The following VEPH1 variants were observed in gnomAD, a reference collection of about 807,000 sequenced individuals.
The protein encoded by VEPH1 is ventricular zone expressed PH domain containing 1.
In VEPH1, 80 loss-of-function variants were observed where a neutral mutation model predicts 85.2. That is an observed-to-expected ratio of 0.94 (90% CI 0.78 to 1.13). The LOEUF (loss-of-function observed/expected upper bound fraction) is 1.13. Ranked by LOEUF, VEPH1 falls within the 50% of genes most tolerant of loss-of-function variation. The pLI, the probability that VEPH1 is intolerant of heterozygous loss-of-function variation, is 0.00. For missense variants in VEPH1, 955 were observed against 980.5 expected, an observed-to-expected ratio of 0.97 and a Z score of 0.35; for synonymous variants, 297 against 348.0, an observed-to-expected ratio of 0.85 and a Z score of 1.63.
Position 157,364,529 on chromosome 3 carries a change from C to T in VEPH1, c.1128-17G>A. 1 of 1,607,794 alleles carries T rather than the reference C, an allele frequency of 6.2e-7. No individual in the cohort carries two copies. The highest frequency in any genetic ancestry group is 2.2e-5 in the East Asian group (1 of 44,780). ...ATTTTTCTCCTAAAGGAATATAAAT[C>T]ATTGCATTAGATGCAGGTCATATAT... On this transcript the variant is annotated splice_polypyrimidine_tract_variant and intron_variant, in intron 7 of 13. Transcript: ENST00000362010.
chr3:157,482,991 A>G (rs1738263698), intron 2 of VEPH1, among the ~76,000 whole-genome samples: 1 of 152,124 alleles, frequency 6.6e-6, no homozygotes, highest in Non-Finnish European at 1.5e-5. Flanking sequence ...ATTTTTATAC[A>G]TTTATTCCAC....
intron 13 of VEPH1, among the ~76,000 whole-genome samples, chr3:157,263,895 CT>C (rs891838534): frequency 6.6e-6 from 1 of 152,296 alleles, no homozygotes; most frequent in South Asian, 2.1e-4. Flanking sequence ...TAATTTACCA[CT>C]TTTCATTAAT....
chr3:157,483,241 G>A (rs1738301234), intron 2 of VEPH1, among the ~76,000 whole-genome samples: 1 of 151,928 alleles, frequency 6.6e-6, no homozygotes, highest in Non-Finnish European at 1.5e-5. Flanking sequence ...AACAACAAGT[G>A]AGCTCAGAAC....
At chr3:157,478,092 C>G (rs936597605) in intron 2 of VEPH1, among the ~76,000 whole-genome samples, 3 of 152,066 alleles carry the variant, frequency 2.0e-5, no homozygotes, top group Admixed American at 6.6e-5. Context: ...CCAAGTCTGC[C>G]TATAGAAATT....
intron 11 of VEPH1, among the ~76,000 whole-genome samples, chr3:157,290,035 AACACACACACACACACACACACAC>A (rs34035101): frequency 2.1e-5 from 3 of 144,312 alleles, no homozygotes; most frequent in Admixed American, 1.4e-4. Flanking sequence ...ATTATACACA[AACACACACACACACACACACACAC>A]ACACACACAC....
At chr3:157,439,825 A>G (rs554819641) in intron 4 of VEPH1, among the ~76,000 whole-genome samples, 7 of 152,122 alleles carry the variant, frequency 4.6e-5, no homozygotes, top group Non-Finnish European at 8.8e-5. Context: ...ATCTCGGCTC[A>G]CTGCAAGCTC....
At chr3:157,386,098 A>T (rs1421590581) in intron 6 of VEPH1, among the ~76,000 whole-genome samples, 1 of 152,116 alleles carries the variant, frequency 6.6e-6, no homozygotes, top group East Asian at 1.9e-4. Context: ...GCAAGCTCAA[A>T]TTGTATCACT....
chr3:157,442,952 A>G (rs1334053836), intron 4 of VEPH1: 1 of 1,612,264 alleles, frequency 6.2e-7, no homozygotes, highest in Non-Finnish European at 8.5e-7. Flanking sequence ...AGATCCAGCC[A>G]CATGGAGGAG....
chr3:157,303,299 C>T (rs1719048029), intron 11 of VEPH1, among the ~76,000 whole-genome samples: 1 of 152,184 alleles, frequency 6.6e-6, no homozygotes, highest in African/African-American at 2.4e-5. Flanking sequence ...TTTACAGTAT[C>T]TATCAGTGTG....
intron 12 of VEPH1, among the ~76,000 whole-genome samples, chr3:157,277,313 A>G (rs751889869): frequency 3.7e-4 from 56 of 152,346 alleles, no homozygotes; most frequent in Middle Eastern, 3.4e-3. Flanking sequence ...GGATCTGGCC[A>G]TAGGACTTTA....
At chr3:157,289,780 T>C (rs1329180297) in intron 11 of VEPH1, among the ~76,000 whole-genome samples, 9 of 152,198 alleles carry the variant, frequency 5.9e-5, no homozygotes, top group East Asian at 1.9e-4. Context: ...TTACAAACTT[T>C]CTTTAAGATA....
intron 2 of VEPH1, among the ~76,000 whole-genome samples, chr3:157,488,423 G>A (rs958437122): frequency 2.6e-5 from 4 of 151,654 alleles, no homozygotes; most frequent in Non-Finnish European, 5.9e-5. Context: ...CCAATCAGTG[G>A]CATTTGACAT....
chr3:157,407,028 T>C (rs1731192129), intron 6 of VEPH1, among the ~76,000 whole-genome samples: 1 of 149,976 alleles, frequency 6.7e-6, no homozygotes, highest in African/African-American at 2.4e-5. Context: ...ATTCCTAAAG[T>C]GTTCTCTTTT....
At chr3:157,274,096 C>T (rs924239956) in intron 12 of VEPH1, among the ~76,000 whole-genome samples, 5 of 152,182 alleles carry the variant, frequency 3.3e-5, no homozygotes, top group African/African-American at 4.8e-5. Context: ...TTATACTTAA[C>T]ACAACACAAA....
chr3:157,374,818 G>A (rs1479548244), intron 7 of VEPH1, among the ~76,000 whole-genome samples: 2 of 152,220 alleles, frequency 1.3e-5, no homozygotes, highest in Non-Finnish European at 1.5e-5. Flanking sequence ...GTAAAGGTTA[G>A]TGGGGTACCT....
At position 157,337,444 on chromosome 3, in the gene VEPH1, C is replaced by A. The variant is rs115833639; in HGVS notation, c.1736-20243G>T. ...CTAAACTATTGCACATTTTTCAAAC[C>A]TAAATTTTCACCATCATGATTAAAA... On this transcript the variant is annotated intron_variant, in intron 9 of 13. Transcript: ENST00000362010. Among the ~76,000 whole-genome samples, 644 of 152,072 alleles carry A rather than the reference C, an allele frequency of 4.2e-3. 7 individuals carry two copies. Among genetic ancestry groups the A allele is most frequent in the African/African-American group, 0.015 (616 of 41,502 alleles).
At chr3:157,301,918 G>A (rs920656335) in intron 11 of VEPH1, among the ~76,000 whole-genome samples, 13 of 152,200 alleles carry the variant, frequency 8.5e-5, no homozygotes, top group African/African-American at 2.9e-4. Flanking sequence ...ATATCCAACT[G>A]TCTAAAAGAC....
intron 1 of VEPH1, among the ~76,000 whole-genome samples, chr3:157,497,783 C>T (rs1235429029): frequency 6.6e-6 from 1 of 152,222 alleles, no homozygotes; most frequent in Admixed American, 6.5e-5. Flanking sequence ...CTGCCAACTT[C>T]AGCTCTTACT....
At chr3:157,481,486 ACAATCCT>A (rs1738088514) in intron 2 of VEPH1, among the ~76,000 whole-genome samples, 2 of 79,078 alleles carry the variant, frequency 2.5e-5, no homozygotes, top group Non-Finnish European at 4.9e-5. Flanking sequence ...AAAAAAAAAA[ACAATCCT>A]AAGCAAAAAG....
Sources: allele counts gnomAD v4.1 joint callset (sites outside exome capture counted in the v4.1 genomes callset), GRCh38; gene constraint gnomAD v4.1.1; transcripts MANE v1.5; gene names NCBI Gene and HGNC (gene_info 2026-07-23, HGNC 2026-07-21).